BCAP31: variants seen among roughly 807,000 people sequenced by gnomAD.
The protein encoded by BCAP31 is B-cell receptor-associated protein 31.
For missense variants in BCAP31, 124 were observed against 193.0 expected (o/e 0.64, Z 2.12); for synonymous variants, 75 against 80.9 (o/e 0.93, Z 0.39).
Position 153,723,255 on chromosome X carries a change from G to A in BCAP31, c.-11C>T, listed in dbSNP as rs934868328. On this transcript the variant is annotated 5_prime_UTR_variant, in exon 2 of 8. Coordinates refer to ENST00000345046, the MANE Select transcript of BCAP31 (RefSeq NM_001256447.2). ...CCACTGCAGACTCATCCTGTTGCTA[G>A]AAGGTTTCCCACAGGAAGATGTGAG... 5 of 1,204,872 alleles carry A rather than the reference G, an allele frequency of 4.1e-6. No individual in the cohort carries two copies. Among genetic ancestry groups the A allele is most frequent in the Non-Finnish European group, 5.6e-6 (5 of 891,666 alleles).
intron 4 of BCAP31, among the ~76,000 whole-genome samples, chrX:153,713,600 A>C (rs1226248409): frequency 9.0e-6 from 1 of 111,687 alleles, no homozygotes; most frequent in Non-Finnish European, 1.9e-5. Context: ...GTCTGCCAGT[A>C]TCTCTCCCAC....
chrX:153,723,686 G>C (rs1557051624), intron 1 of BCAP31: 2 of 1,154,278 alleles, frequency 1.7e-6, no homozygotes, highest in South Asian at 3.8e-5. Flanking sequence ...TTCCCCGCCA[G>C]GCAGAACTCA....
chrX:153,714,422 T>C (rs2091612876), intron 4 of BCAP31, among the ~76,000 whole-genome samples: 1 of 111,085 alleles, frequency 9.0e-6, no homozygotes. Context: ...CCTTCCTGAC[T>C]TTCCTAAGTT....
intron 5 of BCAP31, 81 bp from the exon 6 acceptor site, chrX:153,703,139 G>A (rs1288236651): frequency 1.4e-5 from 16 of 1,149,892 alleles, no homozygotes; most frequent in South Asian, 1.9e-5. Context: ...ACCGAGCTGC[G>A]GTTCCTCAAG....
At position 153,716,003 on chromosome X, in the gene BCAP31, CA is replaced by C. The variant is rs67962983; in HGVS notation, c.194-315del. On this transcript the variant is annotated intron_variant, in intron 3 of 7. Coordinates refer to ENST00000345046, the MANE Select transcript of BCAP31 (RefSeq NM_001256447.2). The stretch of plus-strand genomic sequence containing the variant: ...CAAAACCCCATCTCTACTAAAAATA[CA>C]AAAAAAAAAAATTTAGCCCGGCGTG... 0.18 allele frequency among the ~76,000 whole-genome samples: 18,677 copies of C among 101,156 alleles called. 1,907 individuals are homozygous for C. The highest frequency in any genetic ancestry group is 0.37 in the African/African-American group (10,284 of 27,855). 87.8% of individuals were successfully genotyped at this position (101,156 alleles called of 115,157 possible).
intron 4 of BCAP31, among the ~76,000 whole-genome samples, chrX:153,711,490 C>T (rs2091590851): frequency 8.9e-6 from 1 of 112,351 alleles, no homozygotes. Flanking sequence ...AAGTTGCATA[C>T]GAAGTCTGGA....
chrX:153,716,534 G>A (rs990137029), intron 3 of BCAP31, among the ~76,000 whole-genome samples: 4 of 94,636 alleles, frequency 4.2e-5, no homozygotes, highest in Admixed American at 2.5e-4. Flanking sequence ...TGAGGCCAAC[G>A]AGTTCAAGAC....
chrX:153,716,747 G>T (rs1241066639), intron 3 of BCAP31, among the ~76,000 whole-genome samples: 1 of 111,726 alleles, frequency 9.0e-6, no homozygotes, highest in South Asian at 3.7e-4. Flanking sequence ...GCGACAGAGC[G>T]AGACTCTGTC....
chrX:153,719,787 C>T (rs961826048), intron 3 of BCAP31, among the ~76,000 whole-genome samples: 11 of 111,790 alleles, frequency 9.8e-5, no homozygotes, highest in African/African-American at 3.6e-4. Flanking sequence ...ATCTACCAGT[C>T]AGACAAGAGC....
chrX:153,703,971 G>C lies in BCAP31; in HGVS notation c.465C>G (p.Asp155Glu), dbSNP rs368120095. The C allele has an allele frequency of 8.3e-7, 1 of 1,209,862 alleles. No individual in the cohort carries two copies. Among genetic ancestry groups the C allele is most frequent in the South Asian group, 1.8e-5 (1 of 56,851 alleles). ...AAGCTGGGCTCACCTTCTTGAGCTG[G>C]TCATTCTCCTCCATGTACTTCTTGG... ...EAAKKYMEEN[D>E]QLKKGAAVDG... Residue 155 changes from aspartate (D) to glutamate (E), a missense_variant, in exon 5 of 8, where the codon GAC becomes GAG. Transcript: ENST00000345046.
At chrX:153,724,251 C>A in intron 1 of BCAP31, 83 bp downstream of exon 1, 1 of 209,823 alleles carries the variant, frequency 4.8e-6, no homozygotes, top group Non-Finnish European at 8.8e-6. Flanking sequence ...GGCCTCCCCG[C>A]GCCGCTCGCC....
intron 5 of BCAP31, among the ~76,000 whole-genome samples, 183 bp downstream of exon 5, chrX:153,703,776 G>T (rs1213304494): frequency 8.9e-6 from 1 of 112,240 alleles, no homozygotes; most frequent in Non-Finnish European, 1.9e-5. Flanking sequence ...CTCACACACA[G>T]ACGCCTCCAG....
chrX:153,703,058 C>T lies in BCAP31; in HGVS notation c.478G>A (p.Gly160Arg). The T allele has an allele frequency of 8.3e-7, 1 of 1,209,501 alleles. No individual in the cohort carries two copies. Among genetic ancestry groups the T allele is most frequent in the Non-Finnish European group, 1.1e-6 (1 of 895,371 alleles). ...YMEENDQLKK[G>R]AAVDGGKLDV... is the part of the protein sequence containing the mutation. ...AACTTGCCTCCGTCAACAGCAGCTC[C>T]CTGGGAAAAGTGCCAAAGGCCAGGG... The change falls in exon 6 of 8, where the codon GGA becomes AGA. Residue 160 changes from glycine to arginine, a missense_variant and splice_region_variant. By Grantham distance (125) the Gly-to-Arg change is moderately radical. Transcript: ENST00000345046.
intron 4 of BCAP31, among the ~76,000 whole-genome samples, chrX:153,708,443 C>T (rs2091568601): frequency 1.8e-5 from 2 of 112,490 alleles, no homozygotes; most frequent in Admixed American, 9.3e-5. Context: ...GCCCTGCTGA[C>T]GGGTTTCAGG....
chrX:153,709,402 A>G (rs2091575268), intron 4 of BCAP31, among the ~76,000 whole-genome samples: 1 of 112,204 alleles, frequency 8.9e-6, no homozygotes, highest in Admixed American at 9.4e-5. Context: ...ACTGGCTGCT[A>G]ACCAGCACTT....
At chrX:153,724,280 G>A (rs1298342205) in intron 1 of BCAP31, 54 bp downstream of exon 1, 3 of 178,684 alleles carry the variant, frequency 1.7e-5, no homozygotes, top group African/African-American at 9.6e-5. Context: ...TCGTCGATGG[G>A]CCGGGGAGCC....
intron 3 of BCAP31, among the ~76,000 whole-genome samples, chrX:153,719,548 G>C (rs1263264744): frequency 9.9e-5 from 11 of 111,429 alleles, no homozygotes; most frequent in African/African-American, 3.3e-4. Flanking sequence ...ACATCAGGAA[G>C]GAGAAATGCC....
chrX:153,721,435 C>CAAAA (rs782544895), intron 2 of BCAP31, among the ~76,000 whole-genome samples: 1 of 32,588 alleles, frequency 3.1e-5, no homozygotes. Context: ...GACCTTGTCT[C>CAAAA]AAAAAAAAAA....
At chrX:153,719,906 T>C (rs944691987) in intron 3 of BCAP31, among the ~76,000 whole-genome samples, 3 of 111,931 alleles carry the variant, frequency 2.7e-5, no homozygotes, top group African/African-American at 9.8e-5. Flanking sequence ...TGCTTGCCCT[T>C]GGACCAGTTT....
Sources: gnomAD v4.1 joint callset for allele counts (sites outside exome capture counted in the v4.1 genomes callset) on GRCh38, gnomAD v4.1.1 for gene constraint, MANE v1.5 for transcripts, NCBI Gene and HGNC (gene_info 2026-07-23, HGNC 2026-07-21) for gene names.